PTPRN2: variants seen among roughly 807,000 people sequenced by gnomAD.
PTPRN2 encodes receptor-type tyrosine-protein phosphatase N2.
In PTPRN2, 74 loss-of-function variants were observed where a neutral mutation model predicts 118.8. The observed-to-expected ratio is 0.62, with a 90% CI of 0.52 to 0.76. PTPRN2 has a LOEUF of 0.76. PTPRN2 is among the 30% of genes least tolerant of loss of function. PTPRN2 has a pLI of 0.00. For missense variants in PTPRN2, 1,481 were observed against 1,394.4 expected (o/e 1.06, Z -0.99); for synonymous variants, 641 against 608.0 (o/e 1.05, Z -0.80).
chr7:158,155,193 C>T (rs1444514656), intron 6 of PTPRN2, among the ~76,000 whole-genome samples: 1 of 152,186 alleles, frequency 6.6e-6, no homozygotes, highest in East Asian at 1.9e-4. Context: ...CATGACTCTG[C>T]ATTCTCAACT....
chr7:158,183,510 G>A (rs1288755790), intron 5 of PTPRN2, among the ~76,000 whole-genome samples: 1 of 152,172 alleles, frequency 6.6e-6, no homozygotes, highest in Non-Finnish European at 1.5e-5. Flanking sequence ...CTCAACCCGT[G>A]GCCACTGACT....
rs148766453 is a variant in PTPRN2, at chr7:158,086,113, G to A, written c.1644-4736C>T. ...TTCGTGGCTCCCTTCTCCACCAGGC[G>A]CTCCTTACACAGTGCTCACCTATCT... On this transcript the variant is annotated intron_variant, in intron 10 of 22. Coordinates refer to ENST00000389418, the MANE Select transcript of PTPRN2 (RefSeq NM_002847.5). Among the ~76,000 whole-genome samples, 573 of 152,280 alleles carry A rather than the reference G, an allele frequency of 3.8e-3. 2 individuals are homozygous for A. Among genetic ancestry groups the A allele is most frequent in the Admixed American group, 9.2e-3 (140 of 15,296 alleles).
chr7:157,978,462 T>C (rs1335263846), intron 11 of PTPRN2, among the ~76,000 whole-genome samples: 1 of 152,186 alleles, frequency 6.6e-6, no homozygotes, highest in Admixed American at 6.5e-5. Flanking sequence ...CTGAGTCTTT[T>C]ACTCTTTTGA....
rs1283699332 is a variant in PTPRN2 at position 157,610,659 on chromosome 7, A to C, written c.2345-6584T>G. Among the ~76,000 whole-genome samples, 1 of 152,220 alleles carries C rather than the reference A, an allele frequency of 6.6e-6. No individual in the cohort carries two copies. ...CCTTTGAACTTGTCATAGTTGAGGC[A>C]AAGGAATAAATGATCGGACCACGTT... is the stretch of plus-strand genomic sequence containing the variant. On this transcript the variant is annotated intron_variant, in intron 15 of 22. Transcript: ENST00000389418. This position sits in a 1 kb window ranked among gnomAD's most constrained non-coding sequence, Gnocchi z 5.1.
intron 12 of PTPRN2, among the ~76,000 whole-genome samples, chr7:157,757,857 G>T (rs1359845716): frequency 6.6e-6 from 1 of 152,204 alleles, no homozygotes; most frequent in South Asian, 2.1e-4. Flanking sequence ...CTGGGGCCCC[G>T]CGAATGAACC....
chr7:157,656,554 G>A lies in PTPRN2; in HGVS notation c.2002-3C>T, dbSNP rs1806108595. The A allele has an allele frequency of 2.6e-6, 4 of 1,534,710 alleles. No homozygotes were observed. Among genetic ancestry groups the A allele is most frequent in the South Asian group, 1.2e-5 (1 of 84,110 alleles). Reference sequence around the variant, plus strand: ...GCCATACGCTGGCGGCACAGCTCCTGCAGGACAGGGGGAGGAAGAGCAGGG... The same window carrying A: ...GCCATACGCTGGCGGCACAGCTCCTACAGGACAGGGGGAGGAAGAGCAGGG... On this transcript the variant is annotated splice_region_variant and splice_polypyrimidine_tract_variant and intron_variant, in intron 13 of 22. Coordinates refer to ENST00000389418, the MANE Select transcript of PTPRN2 (RefSeq NM_002847.5).
chr7:157,557,552 C>CCACACCCATCACACACACTCCCACACACA (rs1554491377), intron 21 of PTPRN2, among the ~76,000 whole-genome samples: 2 of 149,626 alleles, frequency 1.3e-5, no homozygotes, highest in Non-Finnish European at 3.0e-5. Context: ...ACACACACTC[C>CCACACCCATCACACACACTCCCACACACA]CACACACACA....
At chr7:158,013,870 A>G (rs1225409861) in intron 11 of PTPRN2, among the ~76,000 whole-genome samples, 1 of 79,708 alleles carries the variant, frequency 1.3e-5, no homozygotes, top group Non-Finnish European at 2.5e-5. Flanking sequence ...TCACCCACCC[A>G]TCCTTGCATC....
At chr7:158,279,314 G>C (rs1204229834) in intron 3 of PTPRN2, among the ~76,000 whole-genome samples, 1 of 152,162 alleles carries the variant, frequency 6.6e-6, no homozygotes, top group Non-Finnish European at 1.5e-5. Context: ...CCTTTAGCTA[G>C]ACACAGAGCA....
At chr7:157,571,583 G>T in intron 19 of PTPRN2, 90 bp from the exon 20 acceptor site, 1 of 943,144 alleles carries the variant, frequency 1.1e-6, no homozygotes, top group Non-Finnish European at 1.6e-6. Flanking sequence ...CAAGGTCTGT[G>T]TGTTTGAAAT....
At chr7:157,836,611 G>GACACACAC (rs57654943) in intron 12 of PTPRN2, among the ~76,000 whole-genome samples, 3,913 of 150,354 alleles carry the variant, frequency 0.026, 124 homozygotes, top group African/African-American at 0.078. Flanking sequence ...GCAAAATAAA[G>GACACACAC]ACACACACAC....
At chr7:158,178,231 C>T (rs113826122) in intron 5 of PTPRN2, among the ~76,000 whole-genome samples, 2,869 of 152,182 alleles carry the variant, frequency 0.019, 42 homozygotes, top group Non-Finnish European at 0.032. Flanking sequence ...TTTTGGGGTA[C>T]GCATGGTTTG....
At chr7:157,686,380 A>C (rs1281451230) in intron 12 of PTPRN2, among the ~76,000 whole-genome samples, 1 of 152,240 alleles carries the variant, frequency 6.6e-6, no homozygotes, top group African/African-American at 2.4e-5. Context: ...TAAGTGATTG[A>C]GTTCCAATAA....
At chr7:158,090,541 T>C (rs955753037) in intron 10 of PTPRN2, among the ~76,000 whole-genome samples, 9 of 152,238 alleles carry the variant, frequency 5.9e-5, no homozygotes, top group African/African-American at 2.2e-4. Flanking sequence ...TGGTTCCACT[T>C]GATAGTTTAC....
At chr7:158,377,234 C>T (rs1382724652) in intron 2 of PTPRN2, among the ~76,000 whole-genome samples, 1 of 143,074 alleles carries the variant, frequency 7.0e-6, no homozygotes, top group African/African-American at 2.6e-5. Context: ...CCCTGTCACA[C>T]GTCCTGAGAG....
intron 2 of PTPRN2, among the ~76,000 whole-genome samples, chr7:158,333,379 C>A (rs1363350526): frequency 6.9e-6 from 1 of 145,166 alleles, no homozygotes; most frequent in Non-Finnish European, 1.5e-5. Flanking sequence ...CACACTCGCA[C>A]CATAAGAGGT....
At chr7:157,621,820 A>G (rs371969728) in intron 14 of PTPRN2, among the ~76,000 whole-genome samples, 1 of 151,268 alleles carries the variant, frequency 6.6e-6, no homozygotes, top group Non-Finnish European at 1.5e-5. Flanking sequence ...GGGAGCTCAG[A>G]CCAAGCTCTC....
At chr7:157,778,095 C>T (rs565146213) in intron 12 of PTPRN2, among the ~76,000 whole-genome samples, 1 of 152,252 alleles carries the variant, frequency 6.6e-6, no homozygotes, top group Admixed American at 6.5e-5. Context: ...GCACAGCAAA[C>T]TCCGCGGTGA....
At chr7:158,254,784 C>T (rs917660653) in intron 3 of PTPRN2, among the ~76,000 whole-genome samples, 1 of 152,252 alleles carries the variant, frequency 6.6e-6, no homozygotes, top group Non-Finnish European at 1.5e-5. Flanking sequence ...TTTCACCTCC[C>T]TACAGGACAG....
Sources: allele counts gnomAD v4.1 joint callset (sites outside exome capture counted in the v4.1 genomes callset), GRCh38; gene constraint gnomAD v4.1.1; non-coding constraint Gnocchi (gnomAD v3.1); transcripts MANE v1.5; gene names NCBI Gene and HGNC (gene_info 2026-07-23, HGNC 2026-07-21).